The following IRAG1 variants were observed in gnomAD, a reference collection of about 807,000 sequenced individuals.
IRAG1 encodes IP3R-associated cGMP kinase substrate.
A neutral mutation model predicts 106.2 loss-of-function variants in IRAG1; 62 were observed. The observed-to-expected ratio is 0.58, with a 90% confidence interval of 0.48 to 0.72. The LOEUF (loss-of-function observed/expected upper bound fraction) is 0.72, where lower values mean the gene tolerates loss of function less well. IRAG1 is among the 30% of genes least tolerant of loss of function. The pLI is 0.00. For missense variants in IRAG1, 1,064 were observed against 1,140.7 expected, an observed-to-expected ratio of 0.93 and a Z score of 0.97; for synonymous variants, 462 against 443.9, an observed-to-expected ratio of 1.04 and a Z score of -0.51.
rs553653017 is a variant in IRAG1, at chr11:10,632,043, C to T, written c.348G>A (p.Lys116=). 6.2e-7 allele frequency: 1 copy of T among 1,613,800 alleles called. No individual in the cohort carries two copies. The highest frequency in any genetic ancestry group is 1.3e-5 in the African/African-American group (1 of 75,018). Residue 116 remains lysine (K), a synonymous_variant, in exon 4 of 21, where the codon AAG becomes AAA. Transcript: ENST00000423302. ...CCTTCAAGTGTCGGTGAGAAAGCCT[C>T]TTGTGGGGACTGTGAACTCTGAAAG... ...NLANRVHSPH[K]RLSHRHLKVS... is the part of the protein sequence containing the mutation.
intron 1 of IRAG1, among the ~76,000 whole-genome samples, chr11:10,668,579 A>G (rs1327280002): frequency 6.6e-6 from 1 of 152,226 alleles, no homozygotes; most frequent in Non-Finnish European, 1.5e-5. Flanking sequence ...GTTGAGGCAG[A>G]CACTCTGACT....
chr11:10,687,906 T>C, intron 1 of IRAG1: 1 of 716,638 alleles, frequency 1.4e-6, no homozygotes, highest in Non-Finnish European at 1.9e-6. Context: ...CTTTGTAAAA[T>C]GGACACTATC....
chr11:10,606,769 G>C lies in IRAG1; in HGVS notation c.1575C>G (p.Ala525=). The change falls in exon 12 of 21, where the codon GCC becomes GCG. Residue 525 remains alanine (A), a synonymous_variant. Transcript: ENST00000423302. ...CAACTTCCTTTTCAGTGAGTGGAGG[G>C]GCACTGTGAAAAAGAAAACACACAA... ...LRVHRSLPGS[A]PPLTEKEVEN... 6.3e-7 allele frequency: 1 copy of C among 1,587,934 alleles called. No individual in the cohort carries two copies. The highest frequency in any genetic ancestry group is 1.2e-5 in the South Asian group (1 of 86,862).
chr11:10,649,139 T>C (rs529114736), intron 2 of IRAG1, among the ~76,000 whole-genome samples: 2 of 152,254 alleles, frequency 1.3e-5, no homozygotes, highest in African/African-American at 4.8e-5. Flanking sequence ...CCAGGCCAGC[T>C]CCTGAGGCCT....
intron 4 of IRAG1, among the ~76,000 whole-genome samples, chr11:10,630,602 A>G (rs932520061): frequency 1.4e-4 from 21 of 152,246 alleles, no homozygotes; most frequent in East Asian, 5.8e-4. Flanking sequence ...CAGAGTGGCT[A>G]TCAGAGCCAC....
chr11:10,670,097 T>G (rs1860101567), intron 1 of IRAG1, among the ~76,000 whole-genome samples: 1 of 152,234 alleles, frequency 6.6e-6, no homozygotes, highest in Non-Finnish European at 1.5e-5. Context: ...GTTTTTGGCT[T>G]TTGCAAGAAT....
intron 3 of IRAG1, 67 bp downstream of exon 3, chr11:10,633,901 A>G: frequency 1.2e-6 from 1 of 838,112 alleles, no homozygotes; most frequent in Admixed American, 3.1e-5. Flanking sequence ...ATTTAAAAAT[A>G]TAGCTGTCTG....
chr11:10,612,353 G>C (rs577589650), intron 10 of IRAG1, among the ~76,000 whole-genome samples: 1 of 152,266 alleles, frequency 6.6e-6, no homozygotes, highest in South Asian at 2.1e-4. Flanking sequence ...TCACGTTTTG[G>C]ACTATGAACA....
chr11:10,627,860 C>G, intron 7 of IRAG1, 100 bp from the exon 8 acceptor site: 1 of 1,582,182 alleles, frequency 6.3e-7, no homozygotes, highest in South Asian at 1.1e-5. Context: ...GTGTTCATGC[C>G]CTCCACCCAG....
At position 10,576,441 on chromosome 11, in the gene IRAG1, G is replaced by C. The variant is rs777166738; in HGVS notation, c.2630C>G (p.Ser877Cys). 1 of 1,613,994 alleles carries C rather than the reference G, an allele frequency of 6.2e-7. No homozygotes were observed. The highest frequency in any genetic ancestry group is 1.7e-5 in the Admixed American group (1 of 60,024). The change falls in exon 21 of 21, where the codon TCT becomes TGT. Residue 877 changes from serine (S) to cysteine (C), a missense_variant. Transcript: ENST00000423302. ...VVLGLYNSYNSCAEQADGPLG... is the reference protein window; with the variant it reads ...VVLGLYNSYNCCAEQADGPLG... ...GGGCCCATCAGCCTGCTCTGCACAA[G>C]AGTTATAGGAATTGTAGAGCCCCAG...
intron 20 of IRAG1, among the ~76,000 whole-genome samples, chr11:10,577,380 T>G (rs564323091): frequency 3.3e-4 from 50 of 152,256 alleles, no homozygotes; most frequent in African/African-American, 1.1e-3. Context: ...CAACTGTCTT[T>G]CATTTTGTCC....
At chr11:10,618,768 G>T (rs906151248) in intron 10 of IRAG1, among the ~76,000 whole-genome samples, 1 of 152,250 alleles carries the variant, frequency 6.6e-6, no homozygotes, top group African/African-American at 2.4e-5. Flanking sequence ...TATTGTGAGT[G>T]AGAGTGAGTG....
At chr11:10,620,403 T>C (rs1661950344) in intron 10 of IRAG1, among the ~76,000 whole-genome samples, 1 of 152,092 alleles carries the variant, frequency 6.6e-6, no homozygotes, top group Non-Finnish European at 1.5e-5. Context: ...AATTAAGGGC[T>C]AATATCTATA....
At chr11:10,604,268 G>A in intron 13 of IRAG1, 137 bp downstream of exon 13, 2 of 1,127,540 alleles carry the variant, frequency 1.8e-6, no homozygotes, top group South Asian at 3.2e-5. Context: ...AACTCTCTGA[G>A]GAACACTGTC....
intron 2 of IRAG1, among the ~76,000 whole-genome samples, chr11:10,643,454 T>A (rs1857699384): frequency 6.6e-6 from 1 of 152,216 alleles, no homozygotes. Flanking sequence ...AAGTCAGATA[T>A]AAAGAACAAC....
chr11:10,634,740 A>G (rs1293066985), intron 2 of IRAG1, among the ~76,000 whole-genome samples: 2 of 107,684 alleles, frequency 1.9e-5, no homozygotes. Flanking sequence ...TTTTTTAAGG[A>G]TGAATAATAT....
chr11:10,628,947 G>C lies in IRAG1; in HGVS notation c.575-119C>G, dbSNP rs1045469446. The C allele has an allele frequency of 6.5e-6, 6 of 924,318 alleles. No homozygotes were observed. The highest frequency in any genetic ancestry group is 1.7e-5 in the African/African-American group (1 of 57,878). The allele number at this position is 924,318 out of a possible 1,614,324, so 57.3% of individuals were successfully genotyped here. A position where few individuals can be genotyped will look rare whatever the true frequency, so the allele number is the denominator to read the frequency against. Reference sequence around the variant, plus strand: ...ACTGGGTCTGCCTTGCTGGGCTCAGGGGCTGATGCTGGACTGCAATATGAT... The same window carrying C: ...ACTGGGTCTGCCTTGCTGGGCTCAGCGGCTGATGCTGGACTGCAATATGAT... On this transcript the variant is annotated intron_variant, in intron 5 of 20. Transcript: ENST00000423302. The surrounding 1 kb of genome is among the most constrained non-coding windows in gnomAD (Gnocchi z 4.1).
chr11:10,683,004 T>C (rs533061669), intron 1 of IRAG1, among the ~76,000 whole-genome samples: 23 of 152,328 alleles, frequency 1.5e-4, no homozygotes, highest in Admixed American at 5.9e-4. Flanking sequence ...GAGTAGAGTA[T>C]GTCATCCAGG....
chr11:10,680,377 G>A (rs1861098713), intron 1 of IRAG1, among the ~76,000 whole-genome samples: 2 of 71,620 alleles, frequency 2.8e-5, no homozygotes, highest in African/African-American at 1.7e-4. Flanking sequence ...AAGAAGGAAG[G>A]AAGGAAGGAA....
Sources: gnomAD v4.1 joint callset for allele counts (sites outside exome capture counted in the v4.1 genomes callset) on GRCh38, gnomAD v4.1.1 for gene constraint, Gnocchi (gnomAD v3.1) non-coding constraint, MANE v1.5 for transcripts, NCBI Gene and HGNC (gene_info 2026-07-23, HGNC 2026-07-21) for gene names.